The following KIF3B variants were observed in gnomAD, a reference collection of about 807,000 sequenced individuals.
KIF3B encodes kinesin family member 3B, also known as kinesin-like protein KIF3B.
A neutral mutation model predicts 74.3 loss-of-function variants in KIF3B; 38 were observed. The ratio of observed to expected loss-of-function variants is 0.51; its 90% CI spans 0.39 to 0.67. The LOEUF is 0.67. KIF3B is among the 30% of genes least tolerant of loss of function. KIF3B has a pLI of 0.00. For missense variants in KIF3B, 649 were observed against 932.0 expected (o/e 0.70, Z 3.95); for synonymous variants, 326 against 342.5 (o/e 0.95, Z 0.53).
chr20:32,280,033 G>A (rs1218900586), intron 1 of KIF3B, among the ~76,000 whole-genome samples: 2 of 152,162 alleles, frequency 1.3e-5, no homozygotes, highest in African/African-American at 4.8e-5. Flanking sequence ...GGCTCTGTGA[G>A]GAAGAATTAT....
At chr20:32,283,823 T>G (rs1569186189) in intron 1 of KIF3B, among the ~76,000 whole-genome samples, 1 of 151,980 alleles carries the variant, frequency 6.6e-6, no homozygotes, top group Non-Finnish European at 1.5e-5. Context: ...AAAAAGAAAT[T>G]TGTAGAGACG....
At chr20:32,301,074 C>T (rs529196422) in intron 1 of KIF3B, among the ~76,000 whole-genome samples, 10 of 145,950 alleles carry the variant, frequency 6.9e-5, no homozygotes, top group South Asian at 2.2e-4. Flanking sequence ...ATGTTGCCCA[C>T]GCTTCATGGT....
At position 32,327,557 on chromosome 20, in the gene KIF3B, A is replaced by G. The variant is rs1475945087; in HGVS notation, c.1864A>G (p.Asn622Asp). 6.2e-7 allele frequency: 1 copy of G among 1,612,722 alleles called. No homozygotes were observed. The highest frequency in any genetic ancestry group is 8.5e-7 in the Non-Finnish European group (1 of 1,179,134). ...TTTAACACTGCAGTTCATTTCCAGG[A>G]ACCAGCAGATGATGAAGCGGCCAGT... ...WKLHPITRLE[N>D]QQMMKRPVSA... Residue 622 changes from asparagine (N) to aspartate (D), a missense_variant and splice_region_variant, in exon 7 of 9, where the codon AAC becomes GAC. Asn to Asp is a conservative substitution (Grantham distance 23). Transcript: ENST00000375712.
At chr20:32,288,251 G>A (rs538729328) in intron 1 of KIF3B, among the ~76,000 whole-genome samples, 5 of 152,160 alleles carry the variant, frequency 3.3e-5, no homozygotes, top group South Asian at 4.1e-4. Context: ...CACTTTGGGA[G>A]GCCTAAGTGG....
rs3813921 is a variant in KIF3B at position 32,334,043 on chromosome 20, A to C, written c.*2724A>C. ...TGAGGGACTAGGTTTTCATGTCTCT[A>C]GTCATACCTAGAATGTTCTGAGCCG... On this transcript the variant is annotated 3_prime_UTR_variant, in exon 9 of 9. Transcript: ENST00000375712. 1.3e-5 allele frequency: 2 copies of C among 152,480 alleles called. No homozygotes were observed. The highest frequency in any genetic ancestry group is 4.8e-5 in the African/African-American group (2 of 41,368). 9.4% of individuals were successfully genotyped at this position (152,480 alleles called of 1,614,324 possible).
intron 2 of KIF3B, among the ~76,000 whole-genome samples, chr20:32,314,834 T>TAA (rs2047819230): frequency 6.6e-6 from 1 of 152,070 alleles, no homozygotes; most frequent in East Asian, 1.9e-4. Context: ...AGGCCCATTG[T>TAA]ATGTCTAGCC....
chr20:32,330,357 G>A (rs544670397), intron 8 of KIF3B, 38 bp downstream of exon 8: 1 of 1,584,544 alleles, frequency 6.3e-7, no homozygotes, highest in African/African-American at 1.3e-5. Flanking sequence ...AACAGAACAT[G>A]TTTGAACAAG....
chr20:32,325,737 GGCTC>G (rs1555897079), intron 5 of KIF3B, among the ~76,000 whole-genome samples: 1 of 128,028 alleles, frequency 7.8e-6, no homozygotes, highest in Non-Finnish European at 1.6e-5. Flanking sequence ...GTGTGATCTC[GGCTC>G]ACTGCAACCT....
At chr20:32,311,871 C>T (rs369751407) in intron 2 of KIF3B, among the ~76,000 whole-genome samples, 226 of 147,774 alleles carry the variant, frequency 1.5e-3, no homozygotes, top group African/African-American at 4.9e-3. Context: ...GGCGCGATCT[C>T]GGCTCACTGC....
intron 5 of KIF3B, among the ~76,000 whole-genome samples, chr20:32,321,331 A>T (rs1345507846): frequency 6.6e-6 from 1 of 151,828 alleles, no homozygotes; most frequent in African/African-American, 2.4e-5. Flanking sequence ...CAGGAGGCTG[A>T]GGCAGAGGAA....
At chr20:32,300,643 G>A (rs1204501375) in intron 1 of KIF3B, among the ~76,000 whole-genome samples, 1 of 151,870 alleles carries the variant, frequency 6.6e-6, no homozygotes, top group African/African-American at 2.4e-5. Flanking sequence ...TGAACTCCTG[G>A]CCACAAAGAA....
chr20:32,303,804 A>C (rs2047755749), intron 1 of KIF3B, among the ~76,000 whole-genome samples: 1 of 150,842 alleles, frequency 6.6e-6, no homozygotes, highest in Non-Finnish European at 1.5e-5. Flanking sequence ...GCAGTGAGCC[A>C]AGATTGTGCC....
Position 32,311,012 on chromosome 20 carries a change from A to G in KIF3B, c.1235A>G (p.Asp412Gly), listed in dbSNP as rs2047797618. 1 of 1,613,688 alleles carries G rather than the reference A, an allele frequency of 6.2e-7. No homozygotes were observed. Residue 412 changes from aspartate to glycine, a missense_variant, in exon 2 of 9, where the codon GAT becomes GGT. Asp to Gly is a moderately conservative substitution (Grantham distance 94). Coordinates refer to ENST00000375712, the MANE Select transcript of KIF3B (RefSeq NM_004798.4). Reference protein sequence around the residue: ...EGEEEGDDKDDYWREQQEKLE... With the variant: ...EGEEEGDDKDGYWREQQEKLE... ...GAGGAGGAAGGGGATGATAAGGATG[A>G]TTACTGGCGGGAACAGCAAGAAAAA...
rs200570783 is a variant in KIF3B, at chr20:32,325,653, C to CTTTTT, written c.1749-1117_1749-1116insTTTTT. On this transcript the variant is annotated intron_variant, in intron 5 of 8. Transcript: ENST00000375712. ...TTTTCATTATTATCTCTCTCTCTCT[C>CTTTTT]TCTTTTTTTTTTTTTTTTTTTTTTT... Among the ~76,000 whole-genome samples, 415 of 90,070 alleles carry CTTTTT rather than the reference C, an allele frequency of 4.6e-3. 26 individuals carry two copies. The highest frequency in any genetic ancestry group is 8.5e-3 in the East Asian group (13 of 1,532). 59.1% of individuals were successfully genotyped at this position (90,070 alleles called of 152,430 possible).
intron 1 of KIF3B, among the ~76,000 whole-genome samples, chr20:32,287,977 G>A (rs1408998520): frequency 6.8e-6 from 1 of 147,160 alleles, no homozygotes; most frequent in African/African-American, 2.6e-5. Context: ...CCGCCTCCTG[G>A]GTTCAAGTGA....
chr20:32,282,847 C>T (rs1008572657), intron 1 of KIF3B, among the ~76,000 whole-genome samples: 1 of 152,172 alleles, frequency 6.6e-6, no homozygotes, highest in Non-Finnish European at 1.5e-5. Context: ...CCCTGGAAAA[C>T]CTATTGTACT....
intron 1 of KIF3B, among the ~76,000 whole-genome samples, chr20:32,279,963 A>G (rs973698573): frequency 6.6e-6 from 1 of 152,232 alleles, no homozygotes; most frequent in African/African-American, 2.4e-5. Flanking sequence ...AAGAGGTGCT[A>G]CTTTACCTCT....
intron 1 of KIF3B, among the ~76,000 whole-genome samples, chr20:32,288,160 C>T (rs986487736): frequency 6.6e-6 from 1 of 151,480 alleles, no homozygotes; most frequent in African/African-American, 2.4e-5. Context: ...GGATTACAGG[C>T]GTGAGCCACC....
rs541537082 is a variant in KIF3B, at chr20:32,298,451, T to C, written c.-65-11262T>C. The stretch of plus-strand genomic sequence containing the variant: ...TCTCAAAAAACAAACAAAACAAAAA[T>C]TCAGAGAATAATATAAGAAATAGAA... On this transcript the variant is annotated intron_variant, in intron 1 of 8. Coordinates refer to ENST00000375712, the MANE Select transcript of KIF3B (RefSeq NM_004798.4). Among the ~76,000 whole-genome samples the C allele has an allele frequency of 3.9e-5, 6 of 152,108 alleles. No individual in the cohort carries two copies. The South Asian group carries it at 1.0e-3, about 26-fold the overall frequency.
Sources: allele counts gnomAD v4.1 joint callset (sites outside exome capture counted in the v4.1 genomes callset), GRCh38; gene constraint gnomAD v4.1.1; transcripts MANE v1.5; gene names NCBI Gene and HGNC (gene_info 2026-07-23, HGNC 2026-07-21).